The following TENM3 variants were observed in gnomAD, a reference collection of about 807,000 sequenced individuals.
TENM3 encodes teneurin transmembrane protein 3, also known as teneurin-3.
Under a neutral mutation model 255.1 loss-of-function variants are expected in TENM3, and 63 were observed. The observed-to-expected ratio is 0.25, with a 90% CI of 0.20 to 0.30. The LOEUF (loss-of-function observed/expected upper bound fraction) is 0.30, where lower values mean the gene tolerates loss of function less well. Ranked by LOEUF, TENM3 falls within the 10% of genes least tolerant of loss-of-function variation. The pLI is 1.00. For synonymous variants in TENM3, 1,306 were observed against 1,322.3 expected (o/e 0.99, Z 0.27); for missense variants, 2,929 against 3,461.1 (o/e 0.85, Z 3.86).
chr4:181,529,871 C>T, the TENM3 span, among the ~76,000 whole-genome samples: 1 of 152,148 alleles, frequency 6.6e-6, no homozygotes, highest in Admixed American at 6.5e-5. Flanking sequence ...TGAGGTTGTC[C>T]ATAAGCAGAG....
intron 1 of TENM3, among the ~76,000 whole-genome samples, chr4:182,273,759 A>T (rs1372026403): frequency 6.6e-6 from 1 of 152,238 alleles, no homozygotes; most frequent in Non-Finnish European, 1.5e-5. Flanking sequence ...AATTTCCAGC[A>T]GTGAATACCC....
At chr4:182,734,456 G>T (rs116304271) in intron 16 of TENM3, among the ~76,000 whole-genome samples, 73 of 152,288 alleles carry the variant, frequency 4.8e-4, no homozygotes, top group Non-Finnish European at 9.8e-4. Flanking sequence ...TGAAAGAAGC[G>T]CAGAAGATAT....
chr4:182,640,329 C>A (rs1432567377), intron 5 of TENM3, among the ~76,000 whole-genome samples: 1 of 152,186 alleles, frequency 6.6e-6, no homozygotes, highest in East Asian at 1.9e-4. Flanking sequence ...GCTGAGGGAA[C>A]TGAAAATGCT....
chr4:182,571,456 G>A (rs1430233355), intron 3 of TENM3, among the ~76,000 whole-genome samples: 2 of 152,332 alleles, frequency 1.3e-5, no homozygotes, highest in Non-Finnish European at 1.5e-5. Context: ...AGCCCAGGAA[G>A]CAGAGGTTTC....
the TENM3 span, among the ~76,000 whole-genome samples, chr4:181,787,142 G>A: frequency 2.0e-5 from 3 of 152,240 alleles, no homozygotes; most frequent in Middle Eastern, 3.4e-3. Context: ...AAAGGAGGCC[G>A]GACACGCCTT....
intron 22 of TENM3, among the ~76,000 whole-genome samples, chr4:182,769,570 T>C (rs565767134): frequency 1.4e-4 from 19 of 140,116 alleles, no homozygotes; most frequent in African/African-American, 4.6e-4. Flanking sequence ...GATCACGAGG[T>C]CAGGAGTTTG....
rs369474708 is a variant in TENM3 at position 182,632,509 on chromosome 4, G to C, written c.988+3620G>C. 2.6e-4 allele frequency among the ~76,000 whole-genome samples: 40 copies of C among 152,210 alleles called. 1 individual carries two copies. The East Asian group carries it at 7.1e-3, about 27-fold the overall frequency. On this transcript the variant is annotated intron_variant, in intron 5 of 27. Coordinates refer to ENST00000511685, the MANE Select transcript of TENM3 (RefSeq NM_001080477.4). ...TTGTTATTTTGATTTATTACTAGTA[G>C]CGCTGACTATCTTCTCATACATTTA...
At chr4:182,386,459 G>A (rs1415978939) in intron 3 of TENM3, among the ~76,000 whole-genome samples, 2 of 152,246 alleles carry the variant, frequency 1.3e-5, no homozygotes, top group East Asian at 1.9e-4. Context: ...CCACTTTGGC[G>A]GCACTTGAGG....
At chr4:181,509,081 G>C in the TENM3 span, among the ~76,000 whole-genome samples, 1 of 151,818 alleles carries the variant, frequency 6.6e-6, no homozygotes, top group African/African-American at 2.4e-5. Context: ...AATAAAGCCT[G>C]CAACCCGAGA....
Position 182,266,641 on chromosome 4 carries a change from A to G in TENM3, c.-76+23165A>G, listed in dbSNP as rs188111659. 5.9e-5 allele frequency among the ~76,000 whole-genome samples: 9 copies of G among 152,350 alleles called. No individual in the cohort carries two copies. In the South Asian group the frequency reaches 1.7e-3, roughly 28 times the overall value. On this transcript the variant is annotated intron_variant, in intron 1 of 27. Transcript: ENST00000511685. ...GGTTTAACATGAATAGTACATTAAC[A>G]TAAAGGTAAAATTTGGCATATTTGA...
At chr4:181,609,313 G>A in the TENM3 span, among the ~76,000 whole-genome samples, 8 of 152,136 alleles carry the variant, frequency 5.3e-5, no homozygotes, top group African/African-American at 1.4e-4. Context: ...TGCTGGAAGG[G>A]AAATAAGATG....
At chr4:181,857,890 G>C in the TENM3 span, among the ~76,000 whole-genome samples, 2 of 152,132 alleles carry the variant, frequency 1.3e-5, no homozygotes, top group Admixed American at 6.5e-5. Flanking sequence ...TCTGCTGTGA[G>C]GAGAAAGGAC....
intron 7 of TENM3, 98 bp from the exon 8 acceptor site, chr4:182,679,567 AT>A: frequency 1.1e-6 from 1 of 947,040 alleles, no homozygotes; most frequent in East Asian, 2.5e-5. Flanking sequence ...CTAACATTGT[AT>A]TTGTTAGAGC....
At chr4:182,774,342 T>C (rs1764506639) in intron 23 of TENM3, among the ~76,000 whole-genome samples, 1 of 152,194 alleles carries the variant, frequency 6.6e-6, no homozygotes, top group Non-Finnish European at 1.5e-5. Flanking sequence ...CTTCCCCAAA[T>C]GGTCCTATAT....
chr4:182,513,820 C>T (rs1737662681), intron 3 of TENM3, among the ~76,000 whole-genome samples: 1 of 152,226 alleles, frequency 6.6e-6, no homozygotes, highest in Non-Finnish European at 1.5e-5. Context: ...GAGCGCACAC[C>T]TCAACCATCT....
chr4:181,861,310 T>C, the TENM3 span, among the ~76,000 whole-genome samples: 2 of 152,278 alleles, frequency 1.3e-5, no homozygotes, highest in South Asian at 2.1e-4. Flanking sequence ...TGAAAGAAGG[T>C]GGAATAAATA....
At chr4:182,420,693 A>C (rs2151134240) in intron 3 of TENM3, among the ~76,000 whole-genome samples, 1 of 152,266 alleles carries the variant, frequency 6.6e-6, no homozygotes, top group South Asian at 2.1e-4. Flanking sequence ...ATGATTGTAC[A>C]CTCTTAGCAT....
chr4:181,857,469 T>C, the TENM3 span, among the ~76,000 whole-genome samples: 1 of 147,448 alleles, frequency 6.8e-6, no homozygotes, highest in East Asian at 2.0e-4. Context: ...AATCCCAGCA[T>C]TTTGGGAGCC....
At chr4:181,601,213 C>T in the TENM3 span, among the ~76,000 whole-genome samples, 314 of 152,300 alleles carry the variant, frequency 2.1e-3, no homozygotes, top group African/African-American at 7.0e-3. Flanking sequence ...TTCTGAAGGC[C>T]AGCTGTCTGA....
Sources: allele counts gnomAD v4.1 joint callset (sites outside exome capture counted in the v4.1 genomes callset), GRCh38; gene constraint gnomAD v4.1.1; transcripts MANE v1.5; gene names NCBI Gene and HGNC (gene_info 2026-07-23, HGNC 2026-07-21).